The following PTCD3 variants were observed in gnomAD, a reference collection of about 807,000 sequenced individuals.
PTCD3 encodes pentatricopeptide repeat domain 3.
Under a neutral mutation model 101.9 loss-of-function variants are expected in PTCD3, and 89 were observed. The ratio of observed to expected loss-of-function variants is 0.87; its 90% CI spans 0.74 to 1.04. PTCD3 has a LOEUF of 1.04. Ranked by LOEUF, PTCD3 falls within the 50% of genes least tolerant of loss-of-function variation. The pLI, the probability that PTCD3 is intolerant of heterozygous loss-of-function variation, is 0.00. For missense variants in PTCD3, 870 were observed against 828.2 expected, an observed-to-expected ratio of 1.05 and a Z score of -0.62; for synonymous variants, 296 against 278.5, an observed-to-expected ratio of 1.06 and a Z score of -0.63.
intron 1 of PTCD3, chr2:86,107,067 A>AT: frequency 2.1e-6 from 1 of 468,720 alleles, no homozygotes; most frequent in Non-Finnish European, 4.4e-6. Context: ...TTTGTGAGGT[A>AT]TAAGTGGGGT....
At chr2:86,110,839 GT>G (rs1223713848) in intron 3 of PTCD3, 9 of 658,282 alleles carry the variant, frequency 1.4e-5, no homozygotes, top group African/African-American at 1.1e-4. Flanking sequence ...AGGCCAGATA[GT>G]TTTATGAGGG....
At chr2:86,116,727 C>A in intron 5 of PTCD3, 129 bp downstream of exon 5, 1 of 710,466 alleles carries the variant, frequency 1.4e-6, no homozygotes, top group Non-Finnish European at 2.4e-6. Flanking sequence ...CTATGTGAAT[C>A]CTTTACTACT....
At chr2:86,109,931 T>A (rs116585898) in intron 3 of PTCD3, among the ~76,000 whole-genome samples, 160 of 152,360 alleles carry the variant, frequency 1.1e-3, no homozygotes, top group African/African-American at 3.7e-3. Context: ...GAGATGTTTA[T>A]GTGTGAAAAT....
chr2:86,106,376 G>A, intron 1 of PTCD3, 25 bp downstream of exon 1: 1 of 1,606,290 alleles, frequency 6.2e-7, no homozygotes, highest in Admixed American at 1.7e-5. Context: ...GGGTATCCGC[G>A]AAGAAGACCG....
rs754742369 is a variant in PTCD3, at chr2:86,134,930, CCT to C, written c.1727_1728del (p.Leu576GlnfsTer27). 2 of 1,614,120 alleles carry C rather than the reference CCT, an allele frequency of 1.2e-6. No individual in the cohort carries two copies. Among genetic ancestry groups the C allele is most frequent in the Non-Finnish European group, 1.7e-6 (2 of 1,180,022 alleles). On this transcript the variant is annotated frameshift_variant, in exon 21 of 24. Coordinates refer to ENST00000254630, the MANE Select transcript of PTCD3 (RefSeq NM_017952.6). LOFTEE classifies it high-confidence loss of function. ...CAGACTGCTCAGGATTGGCCAGCCA[CCT>C]CTCTCAACTGTATAGCTATCCTCTT...
intron 6 of PTCD3, 116 bp downstream of exon 6, chr2:86,117,275 G>C: frequency 1.9e-6 from 1 of 528,740 alleles, no homozygotes. Flanking sequence ...TGGATGATAA[G>C]CCTTTTAAAG....
rs192635250 is a variant in PTCD3, at chr2:86,106,429, T to G, written c.104+78T>G. ...TATGTTTCCCAGCTGGCTGTGGAAG[T>G]AGGCACGATGAAATGGTTTGCTCAT... On this transcript the variant is annotated intron_variant, in intron 1 of 23. Coordinates refer to ENST00000254630, the MANE Select transcript of PTCD3 (RefSeq NM_017952.6). 51 of 1,444,866 alleles carry G rather than the reference T, an allele frequency of 3.5e-5. No individual in the cohort carries two copies. The African/African-American group carries it at 7.1e-4, about 20-fold the overall frequency. The allele number at this position is 1,444,866 out of a possible 1,614,324, so 89.5% of individuals were successfully genotyped here. A position where few individuals can be genotyped will look rare whatever the true frequency, so the allele number is the denominator to read the frequency against.
At chr2:86,114,573 T>C (rs1029378359) in intron 4 of PTCD3, among the ~76,000 whole-genome samples, 1 of 152,188 alleles carries the variant, frequency 6.6e-6, no homozygotes, top group African/African-American at 2.4e-5. Flanking sequence ...AGCTTTCCAC[T>C]TGAGAGTGTG....
At chr2:86,131,490 A>G (rs1048918834) in intron 16 of PTCD3, among the ~76,000 whole-genome samples, 3 of 152,208 alleles carry the variant, frequency 2.0e-5, no homozygotes, top group Non-Finnish European at 4.4e-5. Context: ...TGCTGGGATT[A>G]CAGGCCTGAG....
intron 14 of PTCD3, among the ~76,000 whole-genome samples, chr2:86,128,707 A>T (rs1277569200): frequency 6.6e-6 from 1 of 152,200 alleles, no homozygotes; most frequent in Non-Finnish European, 1.5e-5. Context: ...GGTCAGTTCC[A>T]GTGGGAGCTC....
chr2:86,133,219 A>G lies in PTCD3; in HGVS notation c.1415A>G (p.Asp472Gly). ...FDLICLMEQI[D>G]VTLKWYEDLI... ...TTGATTTGTCTAATGGAACAAATTG[A>G]TGTTACCTTGAAGTGGTATGAGGAC... is the stretch of plus-strand genomic sequence containing the variant. The change falls in exon 18 of 24, where the codon GAT (aspartate) becomes GGT (glycine). Residue 472 changes from aspartate to glycine, a missense_variant. Coordinates refer to ENST00000254630, the MANE Select transcript of PTCD3 (RefSeq NM_017952.6). 6.2e-7 allele frequency: 1 copy of G among 1,614,118 alleles called. No homozygotes were observed. Among genetic ancestry groups the G allele is most frequent in the Non-Finnish European group, 8.5e-7 (1 of 1,180,012 alleles).
At chr2:86,120,233 C>G (rs1674257333) in intron 7 of PTCD3, among the ~76,000 whole-genome samples, 1 of 152,068 alleles carries the variant, frequency 6.6e-6, no homozygotes, top group African/African-American at 2.4e-5. Context: ...TCTAGTTTTA[C>G]CCCCTTTATT....
chr2:86,124,973 A>G (rs1403739304), intron 9 of PTCD3, 22 bp from the exon 10 acceptor site: 14 of 1,611,204 alleles, frequency 8.7e-6, no homozygotes, highest in Non-Finnish European at 1.0e-5. Context: ...GCCTGGGTTC[A>G]CATTTACTCT....
chr2:86,119,330 C>T (rs973809496), intron 7 of PTCD3: 43 of 366,112 alleles, frequency 1.2e-4, no homozygotes, highest in Middle Eastern at 7.3e-4. Context: ...GGTAGGTATG[C>T]AGTGCTCCCA....
In PTCD3 at chr2:86,126,229, C is replaced by CAA. The variant is rs71377064; in HGVS notation, c.951+362_951+363dup. Among the ~76,000 whole-genome samples, 248 of 59,042 alleles carry CAA rather than the reference C, an allele frequency of 4.2e-3. 6 individuals are homozygous for CAA. Among genetic ancestry groups the CAA allele is most frequent in the South Asian group, 0.041 (62 of 1,522 alleles). The allele number at this position is 59,042 out of a possible 152,430, so 38.7% of individuals were successfully genotyped here. A position where few individuals can be genotyped will look rare whatever the true frequency, so the allele number is the denominator to read the frequency against. On this transcript the variant is annotated intron_variant, in intron 12 of 23. Transcript: ENST00000254630. ...TGGGCAACAGAGCAAGACTCCGTCTCAAAAAAAAAAAAAAGAAAAAGAAAC... is the reference window on the plus strand; with the variant it reads ...TGGGCAACAGAGCAAGACTCCGTCTCAAAAAAAAAAAAAAAAGAAAAAGAAAC...
At chr2:86,129,390 C>T (rs1043822819) in intron 14 of PTCD3, among the ~76,000 whole-genome samples, 3 of 152,212 alleles carry the variant, frequency 2.0e-5, no homozygotes, top group Admixed American at 1.3e-4. Context: ...TGGCTTACGC[C>T]TGTAATCCCA....
At chr2:86,137,362 T>C in intron 23 of PTCD3, 107 bp from the exon 24 acceptor site, 1 of 1,480,872 alleles carries the variant, frequency 6.8e-7, no homozygotes, top group Non-Finnish European at 9.1e-7. Context: ...GCAGGGTCCC[T>C]TTTTCTGATT....
chr2:86,118,252 C>T (rs750670469), intron 6 of PTCD3, among the ~76,000 whole-genome samples: 5 of 152,084 alleles, frequency 3.3e-5, no homozygotes, highest in Non-Finnish European at 7.4e-5. Flanking sequence ...CCTCTTTGTT[C>T]TGTAGTTTTG....
intron 4 of PTCD3, among the ~76,000 whole-genome samples, chr2:86,114,896 CA>C (rs1294498681): frequency 6.6e-6 from 1 of 152,216 alleles, no homozygotes; most frequent in Non-Finnish European, 1.5e-5. Context: ...AGATTCAACA[CA>C]GGACATGCTT....
Sources: allele counts gnomAD v4.1 joint callset (sites outside exome capture counted in the v4.1 genomes callset), GRCh38; gene constraint gnomAD v4.1.1; transcripts MANE v1.5; gene names NCBI Gene and HGNC (gene_info 2026-07-23, HGNC 2026-07-21).